The following HLCS variants were observed in gnomAD, a reference collection of about 807,000 sequenced individuals.
HLCS encodes the protein holocarboxylase synthetase, also known as biotin--protein ligase.
HLCS carries 53 observed loss-of-function variants against 75.0 expected under a neutral mutation model. The ratio of observed to expected loss-of-function variants is 0.71; its 90% CI spans 0.57 to 0.89. HLCS has a LOEUF of 0.89. Ranked by LOEUF, HLCS falls within the 40% of genes least tolerant of loss-of-function variation. The probability of loss-of-function intolerance (pLI) is 0.00; values close to 1 mark genes in which losing one functional copy is unlikely to be tolerated. For missense variants in HLCS, 966 were observed against 1,074.0 expected, an observed-to-expected ratio of 0.90 and a Z score of 1.41; for synonymous variants, 431 against 428.6, an observed-to-expected ratio of 1.01 and a Z score of -0.07.
intron 5 of HLCS, among the ~76,000 whole-genome samples, chr21:36,916,998 T>C (rs1457601157): frequency 6.6e-6 from 1 of 152,184 alleles, no homozygotes; most frequent in Non-Finnish European, 1.5e-5. Flanking sequence ...AGGCCCTCTT[T>C]ATCAGGAAAA....
At chr21:36,845,950 T>C (rs1300890708) in intron 6 of HLCS, among the ~76,000 whole-genome samples, 1 of 152,148 alleles carries the variant, frequency 6.6e-6, no homozygotes, top group African/African-American at 2.4e-5. Context: ...TGGGCAAACC[T>C]AGATTCAAAT....
intron 6 of HLCS, among the ~76,000 whole-genome samples, chr21:36,815,460 A>C (rs1271094788): frequency 1.3e-5 from 2 of 152,260 alleles, no homozygotes. Flanking sequence ...GAGCAACAAT[A>C]GCAACAACAA....
chr21:36,933,170 C>T lies in HLCS; in HGVS notation c.1438-2737G>A, dbSNP rs569040175. ...AAAAGGTCTGCAGGGCACCGTCCAA[C>T]ATGGTCCCCAAACCACAGCTGATTG... On this transcript the variant is annotated intron_variant, in intron 4 of 10. Coordinates refer to ENST00000674895, the MANE Select transcript of HLCS (RefSeq NM_001352514.2). 9.2e-5 allele frequency among the ~76,000 whole-genome samples: 14 copies of T among 152,274 alleles called. No individual in the cohort carries two copies. The South Asian group carries it at 2.9e-3, about 32-fold the overall frequency.
chr21:36,780,642 C>T (rs369571657), intron 6 of HLCS, among the ~76,000 whole-genome samples: 36 of 152,194 alleles, frequency 2.4e-4, no homozygotes, highest in Admixed American at 3.9e-4. Context: ...CACTCTTATT[C>T]GCATGGATTT....
chr21:36,984,873 G>GTT (rs11429336), intron 1 of HLCS, among the ~76,000 whole-genome samples: 5 of 143,432 alleles, frequency 3.5e-5, no homozygotes, highest in East Asian at 2.1e-4. Flanking sequence ...TCTTTTTCTT[G>GTT]TTTTTTTTTT....
intron 4 of HLCS, 88 bp from the exon 5 acceptor site, chr21:36,930,521 TAAA>T: frequency 2.7e-6 from 3 of 1,126,504 alleles, no homozygotes; most frequent in Non-Finnish European, 3.8e-6. Flanking sequence ...TTTTTTTTTT[TAAA>T]TTTAGAGACA....
upstream of HLCS, among the ~76,000 whole-genome samples, chr21:36,968,262 G>C (rs2068690241): frequency 6.6e-6 from 1 of 152,188 alleles, no homozygotes. Flanking sequence ...AAAGTGCTGG[G>C]ATTACAAGTT....
intron 5 of HLCS, among the ~76,000 whole-genome samples, chr21:36,911,507 G>A (rs896953870): frequency 6.6e-6 from 1 of 152,156 alleles, no homozygotes; most frequent in African/African-American, 2.4e-5. Flanking sequence ...CACTTTGGGA[G>A]GCTGAGGCGG....
intron 5 of HLCS, among the ~76,000 whole-genome samples, chr21:36,909,605 T>C (rs2065615179): frequency 6.6e-6 from 1 of 152,208 alleles, no homozygotes; most frequent in Non-Finnish European, 1.5e-5. Context: ...CTTTATTTAT[T>C]GATTGGAGGC....
intron 6 of HLCS, among the ~76,000 whole-genome samples, chr21:36,789,786 T>G (rs2060803179): frequency 6.6e-6 from 1 of 152,252 alleles, no homozygotes; most frequent in Non-Finnish European, 1.5e-5. Context: ...TGAAACCTGC[T>G]TTTTACTTTA....
upstream of HLCS, among the ~76,000 whole-genome samples, chr21:36,970,721 A>G (rs533561540): frequency 2.8e-4 from 43 of 151,156 alleles, no homozygotes; most frequent in East Asian, 1.8e-3. Context: ...CGCCGGGCAC[A>G]GTGGCTCACG....
chr21:36,925,318 C>A (rs549041201), intron 5 of HLCS, among the ~76,000 whole-genome samples: 201 of 152,262 alleles, frequency 1.3e-3, no homozygotes, highest in Non-Finnish European at 2.1e-3. Context: ...AAGAGTCCAG[C>A]CGGCTTGTGT....
chr21:36,949,233 C>T (rs1165860367), intron 2 of HLCS, among the ~76,000 whole-genome samples: 1 of 152,204 alleles, frequency 6.6e-6, no homozygotes, highest in African/African-American at 2.4e-5. Flanking sequence ...TCAATTTGGA[C>T]AGGACTGGGC....
chr21:36,918,523 G>GT (rs2066027282), intron 5 of HLCS, among the ~76,000 whole-genome samples: 1 of 152,210 alleles, frequency 6.6e-6, no homozygotes, highest in Non-Finnish European at 1.5e-5. Flanking sequence ...ACTGTTTATT[G>GT]TAAGAAAGTG....
At chr21:36,878,007 G>GC (rs1569135566) in intron 6 of HLCS, among the ~76,000 whole-genome samples, 1 of 144,248 alleles carries the variant, frequency 6.9e-6, no homozygotes, top group African/African-American at 2.5e-5. Flanking sequence ...TTCAGTACTT[G>GC]TTTTTTTTTT....
chr21:36,776,381 C>T (rs1000719036), intron 6 of HLCS, among the ~76,000 whole-genome samples: 4 of 151,242 alleles, frequency 2.6e-5, no homozygotes, highest in East Asian at 2.0e-4. Context: ...AGTACAATCA[C>T]GGAAATCAAC....
At chr21:36,887,987 T>C (rs1040340520) in intron 6 of HLCS, among the ~76,000 whole-genome samples, 12 of 152,162 alleles carry the variant, frequency 7.9e-5, no homozygotes, top group African/African-American at 2.9e-4. Context: ...CCTTAGAATC[T>C]TTAGGACAAC....
intron 6 of HLCS, among the ~76,000 whole-genome samples, chr21:36,832,259 T>G (rs1438524887): frequency 2.6e-5 from 4 of 152,100 alleles, no homozygotes; most frequent in African/African-American, 9.7e-5. Flanking sequence ...AGATGGCTGA[T>G]GAGGAGGAAG....
intron 6 of HLCS, among the ~76,000 whole-genome samples, chr21:36,855,764 G>C (rs933499388): frequency 1.3e-5 from 2 of 151,914 alleles, no homozygotes; most frequent in African/African-American, 4.8e-5. Flanking sequence ...TTTTTGTAGA[G>C]ATGGGGTTTT....
Sources: allele counts gnomAD v4.1 joint callset (sites outside exome capture counted in the v4.1 genomes callset), GRCh38; gene constraint gnomAD v4.1.1; transcripts MANE v1.5; gene names NCBI Gene and HGNC (gene_info 2026-07-23, HGNC 2026-07-21).